CYFIP1: variants seen among roughly 807,000 people sequenced by gnomAD.
The protein encoded by CYFIP1 is cytoplasmic FMR1-interacting protein 1.
In CYFIP1, 58 loss-of-function variants were observed where a neutral mutation model predicts 163.5. The observed-to-expected ratio is 0.35, with a 90% confidence interval of 0.29 to 0.44. The LOEUF (loss-of-function observed/expected upper bound fraction) is 0.44, where lower values mean the gene tolerates loss of function less well. Ranked by LOEUF, CYFIP1 falls within the 20% of genes least tolerant of loss-of-function variation. The pLI is 1.00. For synonymous variants in CYFIP1, 663 were observed against 660.7 expected, an observed-to-expected ratio of 1.00 and a Z score of -0.05; for missense variants, 1,338 against 1,653.8, an observed-to-expected ratio of 0.81 and a Z score of 3.31.
At chr15:22,925,733 C>T (rs1260710490) in intron 13 of CYFIP1, among the ~76,000 whole-genome samples, 1 of 152,154 alleles carries the variant, frequency 6.6e-6, no homozygotes, top group Non-Finnish European at 1.5e-5. Flanking sequence ...CCGCACCCGA[C>T]ACTGCTCTCC....
intron 13 of CYFIP1, 65 bp from the exon 14 acceptor site, chr15:22,918,923 C>A: frequency 1.5e-6 from 2 of 1,333,596 alleles, no homozygotes; most frequent in Admixed American, 2.2e-5. Flanking sequence ...CTCTGCCTGG[C>A]ACATGCCGGG....
At chr15:22,908,518 C>CTTTTTTTTTTTTTTT (rs58565266) in intron 21 of CYFIP1, among the ~76,000 whole-genome samples, 9 of 75,490 alleles carry the variant, frequency 1.2e-4, no homozygotes, top group African/African-American at 5.4e-4. Flanking sequence ...GAAGATATTT[C>CTTTTTTTTTTTTTTT]TTTTTTTTTT....
intron 18 of CYFIP1, among the ~76,000 whole-genome samples, chr15:22,911,046 T>C (rs2060771264): frequency 6.6e-6 from 1 of 151,920 alleles, no homozygotes; most frequent in African/African-American, 2.4e-5. Context: ...GGATTATAGG[T>C]GCCCACCACC....
chr15:22,975,441 CAAAAAAAAAA>C lies in CYFIP1; in HGVS notation c.-7+4836_-7+4845del, dbSNP rs35556120. Among the ~76,000 whole-genome samples the C allele has an allele frequency of 1.1e-4, 8 of 71,342 alleles. No individual in the cohort carries two copies. The East Asian group carries it at 2.4e-3, about 21-fold the overall frequency. 46.8% of individuals were successfully genotyped at this position (71,342 alleles called of 152,430 possible). On this transcript the variant is annotated intron_variant, in intron 1 of 30. Transcript: ENST00000617928. ...GCCGAGACAGAGCGAGACTCCGTCT[CAAAAAAAAAA>C]AAAAAAAAAAAAAAGGTTAAAGGCC... is the stretch of plus-strand genomic sequence containing the variant.
intron 12 of CYFIP1, among the ~76,000 whole-genome samples, chr15:22,927,084 C>G (rs2142178917): frequency 6.6e-6 from 1 of 152,252 alleles, no homozygotes; most frequent in East Asian, 1.9e-4. Context: ...CGCCTGTAAT[C>G]CCAGCACTTT....
At chr15:22,960,242 G>A (rs938732228) in intron 1 of CYFIP1, among the ~76,000 whole-genome samples, 1 of 152,212 alleles carries the variant, frequency 6.6e-6, no homozygotes, top group African/African-American at 2.4e-5. Flanking sequence ...GGGTCCTGCT[G>A]TCAAGACACT....
rs1242393487 is a variant in CYFIP1 at position 22,892,899 on chromosome 15, A to G, written c.2667T>C (p.His889=). Residue 889 remains histidine (H), a synonymous_variant, in exon 23 of 31, where the codon CAT becomes CAC. Transcript: ENST00000617928. ...ACACATTGGAGCCTACCTTGGATCC[A>G]TGCAGATACTGAGGCTGTGCATTAG... ...KQPNAQPQYL[H]GSKALNLAYS... is the part of the protein sequence containing the mutation. 3 of 1,611,982 alleles carry G rather than the reference A, an allele frequency of 1.9e-6. No individual in the cohort carries two copies. The highest frequency in any genetic ancestry group is 2.2e-5 in the East Asian group (1 of 44,892).
rs568193850 is a variant in CYFIP1 at position 22,877,131 on chromosome 15, G to A, written c.3043-1860C>T. Among the ~76,000 whole-genome samples, 20 of 152,318 alleles carry A rather than the reference G, an allele frequency of 1.3e-4. 1 individual carries two copies. The highest frequency in any genetic ancestry group is 4.8e-4 in the African/African-American group (20 of 41,566). ...ATGTAGCAGTGTTGGAAGGTGGTCC[G>A]AGAGGTGATGGATTTCTTACAGGGC... On this transcript the variant is annotated intron_variant, in intron 26 of 30. Coordinates refer to ENST00000617928, the MANE Select transcript of CYFIP1 (RefSeq NM_014608.6).
chr15:22,874,606 A>C lies in CYFIP1; in HGVS notation c.3154T>G (p.Ser1052Ala). 6.2e-7 allele frequency: 1 copy of C among 1,605,594 alleles called. No individual in the cohort carries two copies. Among genetic ancestry groups the C allele is most frequent in the Non-Finnish European group, 8.5e-7 (1 of 1,176,930 alleles). The change falls in exon 28 of 31, where the codon TCA becomes GCA. Residue 1052 changes from serine to alanine, a missense_variant. By Grantham distance (99) the Ser-to-Ala change is moderately conservative. This residue lies in a region of CYFIP1 where 306 missense variants were observed against 322.1 expected (regional missense o/e 0.95). Transcript: ENST00000617928. ...RLDAKMKRLE[S>A]KYAPLHLVPL... ...ACAAGATGCAGCGGGGCGTACTTTG[A>C]TTCTAGTCTTTTCATTTTGGCATCA...
intron 1 of CYFIP1, among the ~76,000 whole-genome samples, chr15:22,960,572 G>T (rs1296373033): frequency 1.3e-5 from 2 of 152,238 alleles, no homozygotes; most frequent in Non-Finnish European, 2.9e-5. Flanking sequence ...CCATTTAGCT[G>T]TCCATCAAAG....
intron 30 of CYFIP1, among the ~76,000 whole-genome samples, chr15:22,870,795 T>C (rs1371254845): frequency 6.6e-6 from 1 of 152,222 alleles, no homozygotes; most frequent in Non-Finnish European, 1.5e-5. Flanking sequence ...ATGAAGATGA[T>C]GTGGTCAGTG....
chr15:22,910,936 G>T, intron 18 of CYFIP1, 123 bp from the exon 19 acceptor site: 1 of 831,742 alleles, frequency 1.2e-6, no homozygotes, highest in Non-Finnish European at 2.0e-6. Flanking sequence ...TTGAGACGGA[G>T]TCTTGCTCTG....
intron 3 of CYFIP1, among the ~76,000 whole-genome samples, chr15:22,946,369 G>C (rs1295421847): frequency 6.6e-6 from 1 of 151,902 alleles, no homozygotes; most frequent in East Asian, 1.9e-4. Flanking sequence ...AGCTAGGTGT[G>C]GTGGCTCATG....
At chr15:22,874,280 T>C (rs1429360325) in intron 28 of CYFIP1, among the ~76,000 whole-genome samples, 1 of 152,236 alleles carries the variant, frequency 6.6e-6, no homozygotes, top group Non-Finnish European at 1.5e-5. Context: ...GCCTTCTTCA[T>C]GAAGGGCTGG....
intron 1 of CYFIP1, among the ~76,000 whole-genome samples, chr15:22,950,725 C>G (rs1339018483): frequency 6.6e-6 from 1 of 152,238 alleles, no homozygotes; most frequent in African/African-American, 2.4e-5. Context: ...TCCAGCGTGT[C>G]CAAGCTGTAT....
At chr15:22,965,261 C>G (rs2062865800) in intron 1 of CYFIP1, among the ~76,000 whole-genome samples, 1 of 152,162 alleles carries the variant, frequency 6.6e-6, no homozygotes. Context: ...GAGTTCGAGA[C>G]CAGCCCAGCC....
chr15:22,917,374 G>T lies in CYFIP1; in HGVS notation c.1674+414C>A. On this transcript the variant is annotated intron_variant, in intron 15 of 30. Coordinates refer to ENST00000617928, the MANE Select transcript of CYFIP1 (RefSeq NM_014608.6). The surrounding 1 kb of genome is among the most constrained non-coding windows in gnomAD (Gnocchi z 4.2). The stretch of plus-strand genomic sequence containing the variant: ...GAACACACCAGGAGAGAGGACAGTG[G>T]GCAGCTTAGGACCATGACACACGCA... 9.2e-7 allele frequency: 1 copy of T among 1,088,000 alleles called. No individual in the cohort carries two copies. Among genetic ancestry groups the T allele is most frequent in the Non-Finnish European group, 1.2e-6 (1 of 843,704 alleles). 67.4% of individuals were successfully genotyped at this position (1,088,000 alleles called of 1,614,324 possible).
intron 13 of CYFIP1, among the ~76,000 whole-genome samples, chr15:22,925,453 A>C (rs151305949): frequency 9.2e-5 from 14 of 152,322 alleles, no homozygotes; most frequent in African/African-American, 3.1e-4. Context: ...TTGTTTCAAA[A>C]ATGAATTTCA....
intron 12 of CYFIP1, among the ~76,000 whole-genome samples, chr15:22,926,523 TAAG>T (rs1377544319): frequency 6.6e-6 from 1 of 152,072 alleles, no homozygotes; most frequent in Non-Finnish European, 1.5e-5. Context: ...AATAAAATAA[TAAG>T]TAAGTAAATA....
Sources: allele counts gnomAD v4.1 joint callset (sites outside exome capture counted in the v4.1 genomes callset), GRCh38; gene constraint gnomAD v4.1.1; regional missense constraint gnomAD v4.1.1; non-coding constraint Gnocchi (gnomAD v3.1); transcripts MANE v1.5; gene names NCBI Gene and HGNC (gene_info 2026-07-23, HGNC 2026-07-21).